SEPTIN14: variants seen among roughly 807,000 people sequenced by gnomAD.
The protein encoded by SEPTIN14 is septin 14.
A neutral mutation model predicts 53.6 loss-of-function variants in SEPTIN14; 40 were observed. The ratio of observed to expected loss-of-function variants is 0.75; its 90% CI spans 0.58 to 0.97. The LOEUF (loss-of-function observed/expected upper bound fraction) is 0.97, where lower values mean the gene tolerates loss of function less well. Among genes scored for constraint, SEPTIN14 ranks in the 50% least tolerant of loss-of-function variants. The pLI is 0.00. For missense variants in SEPTIN14, 471 were observed against 508.2 expected (o/e 0.93, Z 0.70); for synonymous variants, 138 against 166.8 (o/e 0.83, Z 1.33).
intron 5 of SEPTIN14, among the ~76,000 whole-genome samples, chr7:55,838,803 C>A (rs1450191505): frequency 6.6e-6 from 1 of 152,022 alleles, no homozygotes; most frequent in Non-Finnish European, 1.5e-5. Flanking sequence ...CCTGCGTTAG[C>A]CTCCCAAAGT....
chr7:55,825,869 G>A (rs540430623), intron 6 of SEPTIN14, among the ~76,000 whole-genome samples: 36 of 152,156 alleles, frequency 2.4e-4, no homozygotes, highest in African/African-American at 7.9e-4. Flanking sequence ...TTGGGAGGCC[G>A]AGGCGGGTGG....
At chr7:55,852,409 A>T (rs1218613594) in intron 2 of SEPTIN14, among the ~76,000 whole-genome samples, 1 of 152,178 alleles carries the variant, frequency 6.6e-6, no homozygotes, top group African/African-American at 2.4e-5. Context: ...CTCATTTTTG[A>T]CGAAGGTGCT....
chr7:55,830,349 A>ATATATTTTTTTTTTTTTTTTTTTTT (rs71015108), intron 6 of SEPTIN14, among the ~76,000 whole-genome samples: 3 of 56,846 alleles, frequency 5.3e-5, no homozygotes, highest in African/African-American at 3.0e-4. Flanking sequence ...ATATATATAT[A>ATATATTTTTTTTTTTTTTTTTTTTT]TTTTTTTTTT....
chr7:55,855,379 A>G (rs55802874), intron 2 of SEPTIN14, among the ~76,000 whole-genome samples: 34,042 of 152,054 alleles, frequency 0.22, 4,424 homozygotes, highest in Middle Eastern at 0.31. Flanking sequence ...GAATCGAAGG[A>G]GAGACAGAAA....
rs148890245 is a variant in SEPTIN14 at position 55,823,521 on chromosome 7, G to A, written c.721-4298C>T. Reference sequence around the variant, plus strand: ...ATCTCAGATAGAAGCTTTAACACAGGCAGGCTGGGGCATGCTGGCCCAGCC... The same window carrying A: ...ATCTCAGATAGAAGCTTTAACACAGACAGGCTGGGGCATGCTGGCCCAGCC... On this transcript the variant is annotated intron_variant, in intron 6 of 9. Transcript: ENST00000388975. Among the ~76,000 whole-genome samples, 402 of 152,262 alleles carry A rather than the reference G, an allele frequency of 2.6e-3. 9 individuals carry two copies. In the South Asian group the frequency reaches 0.033, roughly 12 times the overall value.
intron 7 of SEPTIN14, among the ~76,000 whole-genome samples, chr7:55,812,432 G>C (rs536209779): frequency 2.6e-5 from 4 of 152,292 alleles, no homozygotes; most frequent in African/African-American, 9.6e-5. Flanking sequence ...GGAAAGTGGG[G>C]AGACTGAGGG....
chr7:55,817,190 T>C (rs1333661378), intron 7 of SEPTIN14, among the ~76,000 whole-genome samples: 1 of 152,134 alleles, frequency 6.6e-6, no homozygotes, highest in Non-Finnish European at 1.5e-5. Flanking sequence ...ATCAGGAAAT[T>C]CTATCATTTG....
chr7:55,840,072 G>A (rs1384272165), intron 5 of SEPTIN14, among the ~76,000 whole-genome samples: 4 of 150,952 alleles, frequency 2.6e-5, no homozygotes, highest in African/African-American at 7.3e-5. Context: ...TTGAACCTGG[G>A]AGACGGAGGT....
chr7:55,796,013 T>A lies in SEPTIN14; in HGVS notation c.1199A>T (p.Glu400Val), dbSNP rs1275987392. The change falls in exon 10 of 10, where the codon GAA becomes GTA. Residue 400 changes from glutamate to valine, a missense_variant. Transcript: ENST00000388975. ...RKLEEEKKQL[E>V]GEIIDFYKMK... ...TTTATAAAAATCTATGATTTCTCCTTCCAGTTGTTTTTTCTCTTCCTCGAG... is the reference window on the plus strand; with the variant it reads ...TTTATAAAAATCTATGATTTCTCCTACCAGTTGTTTTTTCTCTTCCTCGAG... 6.4e-6 allele frequency: 10 copies of A among 1,558,546 alleles called. No homozygotes were observed. The highest frequency in any genetic ancestry group is 8.7e-6 in the Non-Finnish European group (10 of 1,145,618).
intron 2 of SEPTIN14, among the ~76,000 whole-genome samples, chr7:55,851,274 T>C (rs749010822): frequency 4.3e-4 from 66 of 152,250 alleles, no homozygotes; most frequent in Non-Finnish European, 7.9e-4. Context: ...ATTTCTGACA[T>C]CCCTAAAACT....
intron 5 of SEPTIN14, 133 bp from the exon 6 acceptor site, chr7:55,834,719 T>G: frequency 3.3e-6 from 2 of 601,948 alleles, no homozygotes; most frequent in Middle Eastern, 4.8e-4. Flanking sequence ...CTCGGCTCAC[T>G]GCAAGCTCCG....
At chr7:55,810,741 G>T (rs1240471461) in intron 7 of SEPTIN14, 3 of 168,004 alleles carry the variant, frequency 1.8e-5, no homozygotes, top group Admixed American at 6.3e-5. Context: ...GCCTCCCAAA[G>T]TGCTGGGATT....
At chr7:55,801,257 G>C (rs779413176) in intron 9 of SEPTIN14, among the ~76,000 whole-genome samples, 10 of 151,866 alleles carry the variant, frequency 6.6e-5, no homozygotes, top group Non-Finnish European at 1.2e-4. Flanking sequence ...AATGAACTAA[G>C]TGTTTTTTAA....
Position 55,860,353 on chromosome 7 carries a change from AAT to A in SEPTIN14, c.54+1588_54+1589del, listed in dbSNP as rs545162262. Among the ~76,000 whole-genome samples the A allele has an allele frequency of 1.4e-3, 210 of 152,266 alleles. 1 individual carries two copies. Among genetic ancestry groups the A allele is most frequent in the East Asian group, 3.5e-3 (18 of 5,178 alleles). ...AGTTGACCTCATAGAGGTAGAGTAG[AAT>A]GATAGCTACCAGAGGCTGGGAAGGG... On this transcript the variant is annotated intron_variant, in intron 2 of 9. Coordinates refer to ENST00000388975, the MANE Select transcript of SEPTIN14 (RefSeq NM_207366.3).
At chr7:55,852,791 G>A (rs529166336) in intron 2 of SEPTIN14, among the ~76,000 whole-genome samples, 4 of 151,382 alleles carry the variant, frequency 2.6e-5, no homozygotes, top group East Asian at 1.9e-4. Context: ...ACTATCCCCC[G>A]ATAAGGGATT....
At chr7:55,861,875 A>G (rs1789755300) in intron 2 of SEPTIN14, 68 bp downstream of exon 2, 1 of 992,204 alleles carries the variant, frequency 1.0e-6, no homozygotes, top group Non-Finnish European at 1.5e-6. Flanking sequence ...TTCCAAGTCA[A>G]TATTTTTAGG....
intron 5 of SEPTIN14, among the ~76,000 whole-genome samples, chr7:55,837,765 T>C (rs1417251517): frequency 6.6e-6 from 1 of 152,176 alleles, no homozygotes; most frequent in African/African-American, 2.4e-5. Context: ...TATTTTTTAG[T>C]AGAGACAGGG....
At chr7:55,858,394 T>G (rs1477009764) in intron 2 of SEPTIN14, among the ~76,000 whole-genome samples, 1 of 152,180 alleles carries the variant, frequency 6.6e-6, no homozygotes, top group African/African-American at 2.4e-5. Flanking sequence ...GACATACTCT[T>G]TCTGAGGCAT....
At chr7:55,811,939 G>A (rs1007735773) in intron 7 of SEPTIN14, among the ~76,000 whole-genome samples, 3 of 151,794 alleles carry the variant, frequency 2.0e-5, no homozygotes, top group Non-Finnish European at 1.5e-5. Context: ...GATTACAGGC[G>A]CCCGCCACCA....
Sources: gnomAD v4.1 joint callset for allele counts (sites outside exome capture counted in the v4.1 genomes callset) on GRCh38, gnomAD v4.1.1 for gene constraint, MANE v1.5 for transcripts, NCBI Gene and HGNC (gene_info 2026-07-23, HGNC 2026-07-21) for gene names.